The following ARHGAP28 variants were observed in gnomAD, a reference collection of about 807,000 sequenced individuals.
ARHGAP28 encodes Rho GTPase activating protein 28.
Under a neutral mutation model 90.7 loss-of-function variants are expected in ARHGAP28, and 56 were observed. The ratio of observed to expected loss-of-function variants is 0.62; its 90% CI spans 0.50 to 0.77. The LOEUF is 0.77. Among genes scored for constraint, ARHGAP28 ranks in the 30% least tolerant of loss-of-function variants. The pLI is 0.00. For synonymous variants in ARHGAP28, 308 were observed against 323.3 expected (o/e 0.95, Z 0.51); for missense variants, 869 against 900.9 (o/e 0.96, Z 0.45).
intron 4 of ARHGAP28, among the ~76,000 whole-genome samples, chr18:6,855,499 T>A (rs1397478042): frequency 6.6e-6 from 1 of 152,162 alleles, no homozygotes; most frequent in Non-Finnish European, 1.5e-5. Context: ...GTTCTGTCAC[T>A]CAGTGAAGCT....
At chr18:6,876,314 C>T in intron 10 of ARHGAP28, 106 bp downstream of exon 10, 1 of 822,950 alleles carries the variant, frequency 1.2e-6, no homozygotes, top group South Asian at 1.5e-5. Context: ...TAGATATTAT[C>T]ACTTGGTCCT....
intron 1 of ARHGAP28, among the ~76,000 whole-genome samples, chr18:6,793,298 A>G (rs912243420): frequency 2.0e-5 from 3 of 152,198 alleles, no homozygotes; most frequent in Non-Finnish European, 4.4e-5. Context: ...TTTATGCTCA[A>G]AATAAGGACA....
intron 3 of ARHGAP28, among the ~76,000 whole-genome samples, chr18:6,843,954 G>A (rs1055377444): frequency 1.2e-4 from 19 of 152,212 alleles, no homozygotes; most frequent in African/African-American, 3.4e-4. Flanking sequence ...ATCAGTCTCC[G>A]GATACATCAC....
At chr18:6,841,181 C>CTT (rs1567966547) in intron 3 of ARHGAP28, among the ~76,000 whole-genome samples, 9 of 21,328 alleles carry the variant, frequency 4.2e-4, no homozygotes, top group Non-Finnish European at 7.1e-4. Flanking sequence ...TCTCTCTCTC[C>CTT]TCTCTCTCTC....
intron 1 of ARHGAP28, among the ~76,000 whole-genome samples, chr18:6,762,617 T>C (rs1325737271): frequency 1.3e-5 from 2 of 152,094 alleles, no homozygotes; most frequent in East Asian, 3.9e-4. Context: ...TGTGACTATA[T>C]TTAGAGATAG....
At chr18:6,870,877 T>G (rs186085405) in intron 7 of ARHGAP28, 145 bp downstream of exon 7, 3 of 785,596 alleles carry the variant, frequency 3.8e-6, no homozygotes, top group African/African-American at 1.8e-5. Context: ...CTCGGCTCAC[T>G]GCAAGCTCTG....
intron 1 of ARHGAP28, among the ~76,000 whole-genome samples, chr18:6,744,840 A>G (rs1206636146): frequency 1.3e-5 from 2 of 152,164 alleles, no homozygotes; most frequent in Non-Finnish European, 2.9e-5. Context: ...TAAGAATGCT[A>G]TGGCACTTTA....
chr18:6,839,369 C>T (rs1371288680), intron 3 of ARHGAP28, among the ~76,000 whole-genome samples: 2 of 151,158 alleles, frequency 1.3e-5, no homozygotes, highest in African/African-American at 4.9e-5. Flanking sequence ...TCTCGGCTCA[C>T]TGCAAGCTCC....
intron 2 of ARHGAP28, among the ~76,000 whole-genome samples, chr18:6,827,307 G>A (rs1014763922): frequency 2.0e-5 from 3 of 150,114 alleles, no homozygotes; most frequent in East Asian, 2.0e-4. Context: ...GCGGCTGGCC[G>A]GGCGGGGGGC....
intron 1 of ARHGAP28, among the ~76,000 whole-genome samples, chr18:6,769,846 G>A (rs1342372012): frequency 6.6e-6 from 1 of 152,186 alleles, no homozygotes; most frequent in African/African-American, 2.4e-5. Flanking sequence ...CAGGGCCCTT[G>A]CCCACAGCAA....
chr18:6,835,288 G>A (rs1045933875), intron 2 of ARHGAP28, among the ~76,000 whole-genome samples: 1 of 152,100 alleles, frequency 6.6e-6, no homozygotes, highest in African/African-American at 2.4e-5. Context: ...ATATTAAATT[G>A]TAAATTTTGT....
chr18:6,896,753 A>C (rs2057307624), intron 16 of ARHGAP28, 127 bp downstream of exon 16: 1 of 1,080,824 alleles, frequency 9.3e-7, no homozygotes, highest in African/African-American at 1.6e-5. Context: ...GGAGTTTACC[A>C]GTGGATTACG....
intron 1 of ARHGAP28, chr18:6,730,225 A>ATATG (rs2055868039): frequency 4.9e-6 from 1 of 204,840 alleles, no homozygotes; most frequent in East Asian, 9.8e-5. Context: ...TCATGTGTAT[A>ATATG]TATATATATA....
At chr18:6,777,746 ATGAG>A (rs886091874) in intron 1 of ARHGAP28, among the ~76,000 whole-genome samples, 20 of 150,680 alleles carry the variant, frequency 1.3e-4, no homozygotes, top group African/African-American at 4.6e-4. Context: ...GAATGAATGA[ATGAG>A]TGAATGAATG....
intron 2 of ARHGAP28, among the ~76,000 whole-genome samples, chr18:6,834,001 A>T (rs2143836685): frequency 6.6e-6 from 1 of 152,240 alleles, no homozygotes; most frequent in East Asian, 1.9e-4. Context: ...GCTGTTTTTA[A>T]CTAACCAAGA....
intron 1 of ARHGAP28, among the ~76,000 whole-genome samples, chr18:6,756,523 A>G (rs1259532924): frequency 2.0e-5 from 3 of 152,204 alleles, no homozygotes; most frequent in Non-Finnish European, 4.4e-5. Flanking sequence ...ATCAAAACTG[A>G]AGGATTCATT....
At chr18:6,844,627 A>G (rs1162466490) in intron 3 of ARHGAP28, among the ~76,000 whole-genome samples, 2 of 152,322 alleles carry the variant, frequency 1.3e-5, no homozygotes, top group Non-Finnish European at 2.9e-5. Flanking sequence ...ATTTTTTTCA[A>G]TAGCCAGATG....
At chr18:6,741,546 G>A (rs2055977361) in intron 1 of ARHGAP28, among the ~76,000 whole-genome samples, 1 of 152,140 alleles carries the variant, frequency 6.6e-6, no homozygotes, top group African/African-American at 2.4e-5. Flanking sequence ...AAGCCCAAGT[G>A]AAGCTGATTT....
At chr18:6,830,851 A>G (rs2056709745) in intron 2 of ARHGAP28, among the ~76,000 whole-genome samples, 1 of 152,286 alleles carries the variant, frequency 6.6e-6, no homozygotes, top group African/African-American at 2.4e-5. Context: ...TTATCCATCT[A>G]CTTTTAATTT....
Sources: gnomAD v4.1 joint callset for allele counts (sites outside exome capture counted in the v4.1 genomes callset) on GRCh38, gnomAD v4.1.1 for gene constraint, MANE v1.5 for transcripts, NCBI Gene and HGNC (gene_info 2026-07-23, HGNC 2026-07-21) for gene names.